Variants in RTN1 observed in about 807,000 individuals in gnomAD.
The protein encoded by RTN1 is reticulon-1.
In RTN1, 25 loss-of-function variants were observed where a neutral mutation model predicts 65.5. The observed-to-expected ratio is 0.38, with a 90% CI of 0.28 to 0.53. The LOEUF is 0.53. Among genes scored for constraint, RTN1 ranks in the 20% least tolerant of loss-of-function variants. The pLI, the probability that RTN1 is intolerant of heterozygous loss-of-function variation, is 0.79. For synonymous variants in RTN1, 471 were observed against 447.6 expected (o/e 1.05, Z -0.66); for missense variants, 983 against 1,025.4 (o/e 0.96, Z 0.57).
chr14:59,676,258 C>G (rs1883625329), intron 3 of RTN1, among the ~76,000 whole-genome samples: 1 of 152,198 alleles, frequency 6.6e-6, no homozygotes, highest in Admixed American at 6.5e-5. Flanking sequence ...AGTTTTTGCA[C>G]AGAAGCTGTA....
chr14:59,630,463 C>T (rs765636908), intron 3 of RTN1: 90 of 1,613,764 alleles, frequency 5.6e-5, no homozygotes, highest in Non-Finnish European at 9.3e-6. Context: ...TTTCCAGTTG[C>T]TCCACACACA....
rs527332058 is a variant in RTN1, at chr14:59,829,631, A to G, written c.241+40759T>C. Among the ~76,000 whole-genome samples the G allele has an allele frequency of 2.2e-4, 33 of 152,344 alleles. No homozygotes were observed. The highest frequency in any genetic ancestry group is 7.2e-4 in the African/African-American group (30 of 41,580). On this transcript the variant is annotated intron_variant, in intron 1 of 8. Transcript: ENST00000267484. This position sits in a 1 kb window ranked among gnomAD's most constrained non-coding sequence, Gnocchi z 4.3. Reference sequence around the variant, plus strand: ...CCAAACAACATTTCATTTCCTGCTCATGCTCCCTGTCCAGGCAGGTTGGCT... The same window carrying G: ...CCAAACAACATTTCATTTCCTGCTCGTGCTCCCTGTCCAGGCAGGTTGGCT...
At chr14:59,869,587 G>T (rs999347137) in intron 1 of RTN1, among the ~76,000 whole-genome samples, 2 of 131,760 alleles carry the variant, frequency 1.5e-5, no homozygotes, top group Admixed American at 7.5e-5. Context: ...GGTGGGGGGG[G>T]GGGGGCGCTT....
At chr14:59,861,141 G>A (rs1887701857) in intron 1 of RTN1, among the ~76,000 whole-genome samples, 1 of 152,154 alleles carries the variant, frequency 6.6e-6, no homozygotes, top group Non-Finnish European at 1.5e-5. Context: ...GTTTGGCTGT[G>A]TCCCCACCCA....
At chr14:59,819,652 C>T (rs926971993) in intron 1 of RTN1, among the ~76,000 whole-genome samples, 2 of 151,978 alleles carry the variant, frequency 1.3e-5, no homozygotes, top group Non-Finnish European at 2.9e-5. Flanking sequence ...GAGCAGGGGA[C>T]GGCGCCCGTC....
chr14:59,828,873 A>C (rs964558658), intron 1 of RTN1, among the ~76,000 whole-genome samples: 7 of 152,240 alleles, frequency 4.6e-5, no homozygotes, highest in Non-Finnish European at 5.9e-5. Context: ...CTGAAAGTCT[A>C]TAGTTTGGCA....
intron 2 of RTN1, among the ~76,000 whole-genome samples, chr14:59,738,319 C>T (rs964232681): frequency 6.6e-6 from 1 of 152,084 alleles, no homozygotes; most frequent in African/African-American, 2.4e-5. Context: ...AAAAAATAAA[C>T]AACCTCATTA....
At chr14:59,664,798 CA>C (rs1883330664) in intron 3 of RTN1, among the ~76,000 whole-genome samples, 1 of 152,108 alleles carries the variant, frequency 6.6e-6, no homozygotes, top group Admixed American at 6.6e-5. Flanking sequence ...CTGCTGTGAA[CA>C]TCTGTGTATA....
At chr14:59,666,573 C>CA (rs1360694658) in intron 3 of RTN1, among the ~76,000 whole-genome samples, 2 of 151,706 alleles carry the variant, frequency 1.3e-5, no homozygotes, top group African/African-American at 2.4e-5. Flanking sequence ...TAGCAGAAGA[C>CA]AAAAAATAAC....
chr14:59,830,253 G>T (rs1032196235), intron 1 of RTN1, among the ~76,000 whole-genome samples: 1 of 152,174 alleles, frequency 6.6e-6, no homozygotes, highest in Non-Finnish European at 1.5e-5. Context: ...ATTTTAAAGT[G>T]GCCAAAGATC....
At chr14:59,658,074 A>G (rs1883161424) in intron 3 of RTN1, among the ~76,000 whole-genome samples, 2 of 152,228 alleles carry the variant, frequency 1.3e-5, no homozygotes, top group African/African-American at 4.8e-5. Flanking sequence ...GGCATCCGCC[A>G]TTACTGAGGC....
At chr14:59,830,899 A>T (rs1204992090) in intron 1 of RTN1, among the ~76,000 whole-genome samples, 3 of 152,226 alleles carry the variant, frequency 2.0e-5, no homozygotes, top group Non-Finnish European at 2.9e-5. Flanking sequence ...TTATTAATCT[A>T]AGAGGAAGAC....
chr14:59,840,655 T>C (rs1887294330), intron 1 of RTN1, among the ~76,000 whole-genome samples: 1 of 152,160 alleles, frequency 6.6e-6, no homozygotes, highest in Non-Finnish European at 1.5e-5. Flanking sequence ...TAAAATATTC[T>C]CCCATCTCTC....
In RTN1 at chr14:59,618,450, C is replaced by T. The variant is rs941414038; in HGVS notation, c.1766-10958G>A. Among the ~76,000 whole-genome samples, 47 of 152,216 alleles carry T rather than the reference C, an allele frequency of 3.1e-4. 1 individual carries two copies. The highest frequency in any genetic ancestry group is 4.4e-5 in the Non-Finnish European group (3 of 68,040). On this transcript the variant is annotated intron_variant, in intron 3 of 8. Coordinates refer to ENST00000267484, the MANE Select transcript of RTN1 (RefSeq NM_021136.3). ...CAGCTTTGACTTCCTATGATTTCAT[C>T]CCTGACCAATCGGCACTCCTGGCTC... is the stretch of plus-strand genomic sequence containing the variant.
chr14:59,671,847 C>A (rs1299445640), intron 3 of RTN1, among the ~76,000 whole-genome samples: 2 of 152,224 alleles, frequency 1.3e-5, no homozygotes, highest in Non-Finnish European at 2.9e-5. Context: ...GAAATCAATG[C>A]AGAGAGACGA....
intron 1 of RTN1, among the ~76,000 whole-genome samples, chr14:59,861,107 AG>A (rs1887701211): frequency 6.6e-6 from 1 of 152,090 alleles, no homozygotes. Flanking sequence ...GAGATTTGGG[AG>A]GGGCCAGGGG....
At chr14:59,600,086 TG>T (rs1232056114) in intron 8 of RTN1, among the ~76,000 whole-genome samples, 1 of 152,176 alleles carries the variant, frequency 6.6e-6, no homozygotes, top group Admixed American at 6.5e-5. Flanking sequence ...CTCTAAGAAG[TG>T]TTATTATGCA....
At chr14:59,685,627 C>T (rs1883830909) in intron 3 of RTN1, among the ~76,000 whole-genome samples, 1 of 152,058 alleles carries the variant, frequency 6.6e-6, no homozygotes. Context: ...TATATCTCTA[C>T]ACTAAAGACT....
chr14:59,642,958 T>C (rs562610130), intron 3 of RTN1, among the ~76,000 whole-genome samples: 1 of 152,254 alleles, frequency 6.6e-6, no homozygotes, highest in Non-Finnish European at 1.5e-5. Flanking sequence ...AAGTAGCAAC[T>C]GAGGAATTGA....
Sources: allele counts gnomAD v4.1 joint callset (sites outside exome capture counted in the v4.1 genomes callset), GRCh38; gene constraint gnomAD v4.1.1; non-coding constraint Gnocchi (gnomAD v3.1); transcripts MANE v1.5; gene names NCBI Gene and HGNC (gene_info 2026-07-23, HGNC 2026-07-21).